Variants in VGLL4 observed in about 807,000 individuals in gnomAD.
VGLL4 encodes vestigial like family member 4.
In VGLL4, 7 loss-of-function variants were observed where a neutral mutation model predicts 21.0. The observed-to-expected ratio is 0.33, with a 90% CI of 0.19 to 0.63. The LOEUF is 0.63. Ranked by LOEUF, VGLL4 falls within the 20% of genes least tolerant of loss-of-function variation. The pLI is 0.78. For synonymous variants in VGLL4, 222 were observed against 173.2 expected, an observed-to-expected ratio of 1.28 and a Z score of -2.21; for missense variants, 394 against 425.7, an observed-to-expected ratio of 0.93 and a Z score of 0.66.
At chr3:11,675,588 G>A (rs145292335) in intron 2 of VGLL4, among the ~76,000 whole-genome samples, 8 of 152,182 alleles carry the variant, frequency 5.3e-5, no homozygotes, top group African/African-American at 9.6e-5. Flanking sequence ...TAATATATAA[G>A]TTATCCATTC....
intron 1 of VGLL4, among the ~76,000 whole-genome samples, chr3:11,637,841 T>A (rs936890491): frequency 6.6e-6 from 1 of 151,974 alleles, no homozygotes; most frequent in Non-Finnish European, 1.5e-5. Context: ...AAATGACACA[T>A]GAGTTCATTA....
chr3:11,702,017 T>G (rs2076687698), intron 2 of VGLL4, among the ~76,000 whole-genome samples: 2 of 151,812 alleles, frequency 1.3e-5, no homozygotes, highest in South Asian at 4.1e-4. Context: ...TCCCTCAAAC[T>G]ACACTAATGA....
chr3:11,559,446 AG>A lies in VGLL4; in HGVS notation c.504del (p.Ser169ProfsTer2). The A allele has an allele frequency of 6.4e-7, 1 of 1,564,942 alleles. No homozygotes were observed. The highest frequency in any genetic ancestry group is 8.7e-7 in the Non-Finnish European group (1 of 1,155,592). ...CCAGCCGAGGCACAGGTGATCACGG[AG>A]GGCCGGTTCTGCGGGGAGGAGGGGT... ...LTPGERQQNRPSVITCASAGA... is the reference protein window; with the variant it reads ...LTPGERQQNRXSVITCASAGA... On this transcript the variant is annotated frameshift_variant, in exon 4 of 5. Coordinates refer to ENST00000430365, the MANE Select transcript of VGLL4 (RefSeq NM_001128219.3). LOFTEE classifies it high-confidence loss of function.
At chr3:11,582,378 G>A in intron 2 of VGLL4, 1 of 1,562,078 alleles carries the variant, frequency 6.4e-7, no homozygotes, top group Non-Finnish European at 8.7e-7. Flanking sequence ...GCAGTCTCAG[G>A]CACAAAACTG....
intron 2 of VGLL4, among the ~76,000 whole-genome samples, chr3:11,586,086 A>T (rs2074355404): frequency 6.6e-6 from 1 of 152,238 alleles, no homozygotes; most frequent in Non-Finnish European, 1.5e-5. Context: ...GTGTAGTGTG[A>T]TTCATTACTG....
In VGLL4 at chr3:11,558,540, G is replaced by T; in HGVS notation, c.*16C>A. ...AAACCATGCAGATCCACGTGTTGTTGGAGGAGGCGCTCCCTTCAGGAGACC... is the reference window on the plus strand; with the variant it reads ...AAACCATGCAGATCCACGTGTTGTTTGAGGAGGCGCTCCCTTCAGGAGACC... On this transcript the variant is annotated 3_prime_UTR_variant, in exon 5 of 5. Transcript: ENST00000430365. 1 of 1,506,502 alleles carries T rather than the reference G, an allele frequency of 6.6e-7. No homozygotes were observed. 93.3% of individuals were successfully genotyped at this position (1,506,502 alleles called of 1,614,324 possible).
intron 2 of VGLL4, among the ~76,000 whole-genome samples, chr3:11,655,135 A>G (rs1015809095): frequency 6.6e-6 from 1 of 152,246 alleles, no homozygotes; most frequent in African/African-American, 2.4e-5. Flanking sequence ...GAGGTTTTGA[A>G]AGCCATGGGT....
intron 1 of VGLL4, among the ~76,000 whole-genome samples, chr3:11,707,752 G>A (rs755516523): frequency 1.3e-5 from 2 of 151,364 alleles, no homozygotes; most frequent in Non-Finnish European, 3.0e-5. Flanking sequence ...CCAGCTACTC[G>A]GGAGGCTGAG....
chr3:11,689,067 T>C (rs946054250), intron 2 of VGLL4, among the ~76,000 whole-genome samples: 7 of 151,780 alleles, frequency 4.6e-5, no homozygotes, highest in African/African-American at 1.2e-4. Context: ...TTTGGAGGGA[T>C]TGAGGAGATA....
chr3:11,616,956 G>C (rs2075172851), intron 1 of VGLL4, among the ~76,000 whole-genome samples: 1 of 152,104 alleles, frequency 6.6e-6, no homozygotes, highest in Admixed American at 6.5e-5. Context: ...CAATAAAGCT[G>C]TTACCCCCAA....
At chr3:11,626,216 C>T in intron 1 of VGLL4, 3 of 379,828 alleles carry the variant, frequency 7.9e-6, no homozygotes, top group South Asian at 6.0e-5. Flanking sequence ...AAGCAACTGT[C>T]ACAACTGCAG....
At chr3:11,659,132 G>T (rs2075997529) in intron 2 of VGLL4, among the ~76,000 whole-genome samples, 1 of 152,056 alleles carries the variant, frequency 6.6e-6, no homozygotes, top group African/African-American at 2.4e-5. Context: ...TGAATAGAGT[G>T]CCACGTTAAC....
In VGLL4 at chr3:11,576,671, T is replaced by C. The variant is rs146231446; in HGVS notation, c.273-11652A>G. Among the ~76,000 whole-genome samples the C allele has an allele frequency of 2.5e-3, 374 of 152,234 alleles. 1 individual carries two copies. Among genetic ancestry groups the C allele is most frequent in the African/African-American group, 8.3e-3 (346 of 41,550 alleles). ...AAAAGGCATTTGACCACTAAGACCA[T>C]CCAGTGCTAGTCAACCCAGACGTCC... On this transcript the variant is annotated intron_variant, in intron 2 of 4. Transcript: ENST00000430365.
At chr3:11,600,680 G>A (rs966717097) in intron 2 of VGLL4, among the ~76,000 whole-genome samples, 3 of 152,178 alleles carry the variant, frequency 2.0e-5, no homozygotes, top group Admixed American at 2.0e-4. Context: ...AGCGGAATGC[G>A]AGGACGCTGG....
At chr3:11,714,752 A>G (rs2076895659) in intron 1 of VGLL4, among the ~76,000 whole-genome samples, 1 of 152,150 alleles carries the variant, frequency 6.6e-6, no homozygotes, top group Non-Finnish European at 1.5e-5. Flanking sequence ...AAGACTTAAA[A>G]TTTGAATACT....
intron 2 of VGLL4, among the ~76,000 whole-genome samples, chr3:11,665,570 G>T (rs895645754): frequency 6.6e-6 from 1 of 152,226 alleles, no homozygotes; most frequent in African/African-American, 2.4e-5. Context: ...GAGCAGCTGT[G>T]GGGGAAGAGG....
intron 2 of VGLL4, among the ~76,000 whole-genome samples, chr3:11,575,890 G>A (rs1301992489): frequency 5.3e-5 from 8 of 152,180 alleles, no homozygotes; most frequent in East Asian, 1.9e-4. Flanking sequence ...TTCCAGACCC[G>A]TTGCCTCTAG....
chr3:11,673,303 A>AT (rs1430421629), intron 2 of VGLL4, among the ~76,000 whole-genome samples: 6 of 152,154 alleles, frequency 3.9e-5, no homozygotes, highest in African/African-American at 1.4e-4. Flanking sequence ...ACAGGGTGTG[A>AT]TTTTTTAAAT....
chr3:11,665,691 T>G (rs1361680913), intron 2 of VGLL4, among the ~76,000 whole-genome samples: 1 of 152,234 alleles, frequency 6.6e-6, no homozygotes, highest in African/African-American at 2.4e-5. Context: ...CAGCACTCAT[T>G]CATTCAGCAT....
Sources: allele counts gnomAD v4.1 joint callset (sites outside exome capture counted in the v4.1 genomes callset), GRCh38; gene constraint gnomAD v4.1.1; transcripts MANE v1.5; gene names NCBI Gene and HGNC (gene_info 2026-07-23, HGNC 2026-07-21).